GLG1: variants seen among roughly 807,000 people sequenced by gnomAD.
The protein encoded by GLG1 is Golgi apparatus protein 1.
A neutral mutation model predicts 160.5 loss-of-function variants in GLG1; 38 were observed. The ratio of observed to expected loss-of-function variants is 0.24; its 90% CI spans 0.18 to 0.31. The LOEUF is 0.31. Ranked by LOEUF, GLG1 falls within the 10% of genes least tolerant of loss-of-function variation. The pLI, the probability that GLG1 is intolerant of heterozygous loss-of-function variation, is 1.00. For synonymous variants in GLG1, 644 were observed against 543.4 expected (o/e 1.19, Z -2.57); for missense variants, 1,373 against 1,505.2 (o/e 0.91, Z 1.45).
At chr16:74,485,956 C>G (rs921300925) in intron 8 of GLG1, 39 bp from the exon 9 acceptor site, 3 of 1,570,678 alleles carry the variant, frequency 1.9e-6, no homozygotes, top group East Asian at 2.2e-5. Flanking sequence ...AAGAAAGTCA[C>G]TTAGGTGCTA....
At chr16:74,575,737 T>C (rs2018983825) in intron 1 of GLG1, among the ~76,000 whole-genome samples, 1 of 152,204 alleles carries the variant, frequency 6.6e-6, no homozygotes, top group African/African-American at 2.4e-5. Context: ...TAGCTCGCTC[T>C]TTATTTTTAT....
chr16:74,589,835 G>A (rs1958133891), intron 1 of GLG1, among the ~76,000 whole-genome samples: 1 of 152,142 alleles, frequency 6.6e-6, no homozygotes, highest in African/African-American at 2.4e-5. Context: ...TGCTCAGGAG[G>A]CTGAGGCAGG....
At chr16:74,502,566 C>T (rs563926728) in intron 4 of GLG1, among the ~76,000 whole-genome samples, 8 of 150,966 alleles carry the variant, frequency 5.3e-5, no homozygotes, top group South Asian at 2.1e-4. Context: ...TTTTTTGAGA[C>T]GGAGTCTCAC....
At chr16:74,532,327 T>C (rs1385348937) in intron 1 of GLG1, among the ~76,000 whole-genome samples, 174 bp from the exon 2 acceptor site, 1 of 151,862 alleles carries the variant, frequency 6.6e-6, no homozygotes, top group Non-Finnish European at 1.5e-5. Context: ...GCATATCTTT[T>C]AGGCTGTTGG....
chr16:74,566,013 T>G (rs1290599354), intron 1 of GLG1, among the ~76,000 whole-genome samples: 1 of 152,206 alleles, frequency 6.6e-6, no homozygotes, highest in African/African-American at 2.4e-5. Context: ...AGAACGTCCC[T>G]CAATTTGGGT....
chr16:74,501,216 T>G (rs1337026425), intron 4 of GLG1, among the ~76,000 whole-genome samples: 1 of 152,192 alleles, frequency 6.6e-6, no homozygotes, highest in Non-Finnish European at 1.5e-5. Flanking sequence ...TCCCTCTTTT[T>G]TAAATTTGGC....
intron 4 of GLG1, among the ~76,000 whole-genome samples, chr16:74,501,358 C>T (rs2016398411): frequency 1.3e-5 from 2 of 152,200 alleles, no homozygotes; most frequent in African/African-American, 4.8e-5. Flanking sequence ...ACTGAAATTT[C>T]ACCCAACTGG....
chr16:74,595,394 G>A (rs573045097), intron 1 of GLG1, among the ~76,000 whole-genome samples: 319 of 148,714 alleles, frequency 2.1e-3, no homozygotes, highest in Middle Eastern at 0.011. Flanking sequence ...AAAATTAGCC[G>A]GTCGTGGTGG....
chr16:74,487,425 G>C (rs2015832078), intron 8 of GLG1, among the ~76,000 whole-genome samples: 1 of 149,232 alleles, frequency 6.7e-6, no homozygotes, highest in South Asian at 2.1e-4. Context: ...ATAATCAAAA[G>C]GAAATAAAGG....
intron 1 of GLG1, among the ~76,000 whole-genome samples, chr16:74,598,975 A>G (rs1050008395): frequency 1.3e-5 from 2 of 152,034 alleles, no homozygotes; most frequent in African/African-American, 4.8e-5. Context: ...TGTTTTGAAC[A>G]CATTAGGAGA....
At chr16:74,470,705 C>T (rs146702330) in intron 15 of GLG1, among the ~76,000 whole-genome samples, 2,811 of 152,200 alleles carry the variant, frequency 0.018, 34 homozygotes, top group Non-Finnish European at 0.027. Flanking sequence ...GCCACAGCCT[C>T]CCAAAGTGCT....
In GLG1 at chr16:74,596,507, C is replaced by A. The variant is rs573421042; in HGVS notation, c.438+10150G>T. On this transcript the variant is annotated intron_variant, in intron 1 of 25. Transcript: ENST00000422840. ...TCGTGCCATTGCACTCCAGCCTGGG[C>A]CACAAGAGACTCCACCTCAAAAAAA... 7.2e-5 allele frequency among the ~76,000 whole-genome samples: 11 copies of A among 152,248 alleles called. No individual in the cohort carries two copies. The East Asian group carries it at 1.4e-3, about 19-fold the overall frequency.
At chr16:74,488,101 C>T (rs1245150026) in intron 8 of GLG1, among the ~76,000 whole-genome samples, 2 of 152,086 alleles carry the variant, frequency 1.3e-5, no homozygotes, top group African/African-American at 4.8e-5. Context: ...AAGTACTGAA[C>T]AAGATGATAA....
At chr16:74,465,220 C>A (rs1318839442) in intron 19 of GLG1, among the ~76,000 whole-genome samples, 2 of 152,194 alleles carry the variant, frequency 1.3e-5, no homozygotes, top group South Asian at 2.1e-4. Flanking sequence ...CAGGGAATAC[C>A]TGCTGGAGGA....
At chr16:74,505,885 C>A (rs1004837629) in intron 3 of GLG1, among the ~76,000 whole-genome samples, 1 of 151,830 alleles carries the variant, frequency 6.6e-6, no homozygotes, top group Non-Finnish European at 1.5e-5. Flanking sequence ...CCAAAATTAG[C>A]TGAGTGTGGT....
chr16:74,547,878 G>A (rs2018092409), intron 1 of GLG1, among the ~76,000 whole-genome samples: 2 of 152,184 alleles, frequency 1.3e-5, no homozygotes, highest in South Asian at 4.1e-4. Flanking sequence ...ATCCACTGAT[G>A]ATGGCTTAAA....
chr16:74,462,212 G>C lies in GLG1; in HGVS notation c.2935-17C>G, dbSNP rs759212111. The C allele has an allele frequency of 1.3e-5, 18 of 1,345,854 alleles. No individual in the cohort carries two copies. In the East Asian group the frequency reaches 3.0e-4, roughly 22 times the overall value. 83.4% of individuals were successfully genotyped at this position (1,345,854 alleles called of 1,614,324 possible). On this transcript the variant is annotated splice_polypyrimidine_tract_variant and intron_variant, in intron 21 of 25. Transcript: ENST00000422840. ...AGACAGGCGCTGCATGTGACAAAGG[G>C]AGGATACATGGGCTGATCAGAAAAC... is the stretch of plus-strand genomic sequence containing the variant.
At position 74,526,930 on chromosome 16, in the gene GLG1, C is replaced by A. The variant is rs149108731; in HGVS notation, c.471+5191G>T. On this transcript the variant is annotated intron_variant, in intron 2 of 25. Coordinates refer to ENST00000422840, the MANE Select transcript of GLG1 (RefSeq NM_001145667.2). ...GAGTAAGTCGCTACACGCAAATTTGCTTAGAACAATAATGTCTCAGGGCAT... is the reference window on the plus strand; with the variant it reads ...GAGTAAGTCGCTACACGCAAATTTGATTAGAACAATAATGTCTCAGGGCAT... Among the ~76,000 whole-genome samples, 92 of 152,264 alleles carry A rather than the reference C, an allele frequency of 6.0e-4. 1 individual carries two copies. The East Asian group carries it at 0.016, about 27-fold the overall frequency.
chr16:74,461,466 C>CTTTTTTTTTTTT (rs34176824), intron 22 of GLG1: 1 of 67,102 alleles, frequency 1.5e-5, no homozygotes, highest in Non-Finnish European at 2.7e-5. Flanking sequence ...CTCGCCCGGG[C>CTTTTTTTTTTTT]TTTTTTTTTT....
Sources: gnomAD v4.1 joint callset for allele counts (sites outside exome capture counted in the v4.1 genomes callset) on GRCh38, gnomAD v4.1.1 for gene constraint, MANE v1.5 for transcripts, NCBI Gene and HGNC (gene_info 2026-07-23, HGNC 2026-07-21) for gene names.